PHACTR2: variants seen among roughly 807,000 people sequenced by gnomAD.
The protein encoded by PHACTR2 is chromosome 6 open reading frame 56.
PHACTR2 carries 30 observed loss-of-function variants against 76.0 expected under a neutral mutation model. The ratio of observed to expected loss-of-function variants is 0.39; its 90% CI spans 0.30 to 0.54. The LOEUF (loss-of-function observed/expected upper bound fraction) is 0.54. PHACTR2 is among the 20% of genes least tolerant of loss of function. PHACTR2 has a pLI of 0.61. For missense variants in PHACTR2, 696 were observed against 781.1 expected (o/e 0.89, Z 1.30); for synonymous variants, 292 against 292.5 (o/e 1.00, Z 0.02).
chr6:143,624,426 T>C lies in PHACTR2; in HGVS notation c.13+16104T>C, dbSNP rs1413123664. Among the ~76,000 whole-genome samples, 1 of 152,178 alleles carries C rather than the reference T, an allele frequency of 6.6e-6. No individual in the cohort carries two copies. Among genetic ancestry groups the C allele is most frequent in the Non-Finnish European group, 1.5e-5 (1 of 68,026 alleles). The stretch of plus-strand genomic sequence containing the variant: ...CTGGCCAAAATCTTGTTAATTCTTA[T>C]GACCAAGACGCAGTCATAGTTACTA... On this transcript the variant is annotated intron_variant, in intron 1 of 11. Transcript: ENST00000305766. The surrounding 1 kb of genome is among the most constrained non-coding windows in gnomAD (Gnocchi z 4.6).
intron 2 of PHACTR2, among the ~76,000 whole-genome samples, chr6:143,747,429 C>A (rs1426845030): frequency 6.6e-6 from 1 of 152,240 alleles, no homozygotes; most frequent in South Asian, 2.1e-4. Flanking sequence ...CTATCAGTGT[C>A]CTTGCTTGAG....
chr6:143,627,370 A>T lies in PHACTR2; in HGVS notation c.13+19048A>T, dbSNP rs75945846. 6.6e-3 allele frequency among the ~76,000 whole-genome samples: 1,004 copies of T among 152,384 alleles called. 23 individuals are homozygous for T. The East Asian group carries it at 0.092, about 14-fold the overall frequency. On this transcript the variant is annotated intron_variant, in intron 1 of 11. Transcript: ENST00000305766. This position sits in a 1 kb window ranked among gnomAD's most constrained non-coding sequence, Gnocchi z 4.3. ...CAGAATGATCTTGACTAATTTAAAA[A>T]AATTTGTGGAACACAGATATTTTAT... is the stretch of plus-strand genomic sequence containing the variant.
rs1446567445 is a variant in PHACTR2, at chr6:143,618,212, T to C, written c.13+9890T>C. Among the ~76,000 whole-genome samples the C allele has an allele frequency of 1.3e-5, 2 of 151,340 alleles. No homozygotes were observed. The highest frequency in any genetic ancestry group is 4.9e-5 in the African/African-American group (2 of 41,122). On this transcript the variant is annotated intron_variant, in intron 1 of 11. Coordinates refer to the PHACTR2 transcript ENST00000305766. The surrounding 1 kb of genome is among the most constrained non-coding windows in gnomAD (Gnocchi z 5.2). ...TTACCACAGGCGCCCTGCTTTTTAG[T>C]GATAGAGAAATAGGTCCTGTTCCAC...
Position 143,683,238 on chromosome 6 carries a change from G to A in PHACTR2, c.46+5029G>A, listed in dbSNP as rs529392142. Among the ~76,000 whole-genome samples, 7 of 152,328 alleles carry A rather than the reference G, an allele frequency of 4.6e-5. No homozygotes were observed. Among genetic ancestry groups the A allele is most frequent in the African/African-American group, 1.7e-4 (7 of 41,572 alleles). On this transcript the variant is annotated intron_variant, in intron 1 of 12. Coordinates refer to ENST00000440869, the MANE Select transcript of PHACTR2 (RefSeq NM_001100164.2). This position sits in a 1 kb window ranked among gnomAD's most constrained non-coding sequence, Gnocchi z 4.1. ...TCATTGTGAAGTGTAGAGCATGGTA[G>A]ATTGGATACAATACATTTTTGATGA...
chr6:143,711,801 T>TC, intron 1 of PHACTR2: 1 of 726,048 alleles, frequency 1.4e-6, no homozygotes, highest in East Asian at 2.6e-5. Context: ...CTAGTCTGTT[T>TC]CCCCAGAATG....
rs544102509 is a variant in PHACTR2, at chr6:143,826,419, C to T, written c.*2730C>T. ...GGATTTCTTTTGTTGTAACACAATT[C>T]CAGGTTTTTGGCTATTTAAAGTTTG... On this transcript the variant is annotated 3_prime_UTR_variant, in exon 13 of 13. Coordinates refer to ENST00000440869, the MANE Select transcript of PHACTR2 (RefSeq NM_001100164.2). 1 of 152,286 alleles carries T rather than the reference C, an allele frequency of 6.6e-6. No homozygotes were observed. Among genetic ancestry groups the T allele is most frequent in the South Asian group, 2.1e-4 (1 of 4,830 alleles). The allele number at this position is 152,286 out of a possible 1,614,324, so 9.4% of individuals were successfully genotyped here.
rs1311509221 is a variant in PHACTR2 at position 143,776,930 on chromosome 6, G to A, written c.1590-398G>A. ...CCATCATGCTGAAGTTCTAGCCTGT[G>A]GAAAAAGGAAAGAGAAAGAAGGGAG... On this transcript the variant is annotated intron_variant, in intron 8 of 12. Coordinates refer to ENST00000440869, the MANE Select transcript of PHACTR2 (RefSeq NM_001100164.2). This position sits in a 1 kb window ranked among gnomAD's most constrained non-coding sequence, Gnocchi z 5.3. Among the ~76,000 whole-genome samples the A allele has an allele frequency of 2.6e-5, 4 of 152,132 alleles. No individual in the cohort carries two copies. The highest frequency in any genetic ancestry group is 5.9e-5 in the Non-Finnish European group (4 of 68,032).
In PHACTR2 at chr6:143,783,506, C is replaced by A. The variant is rs1255538909; in HGVS notation, c.1707+226C>A. ...TGGTGGCACATGCCTGTAGTTCCAGCTACTCAGGAGGCTGAGGTGGGAAGA... is the reference window on the plus strand; with the variant it reads ...TGGTGGCACATGCCTGTAGTTCCAGATACTCAGGAGGCTGAGGTGGGAAGA... On this transcript the variant is annotated intron_variant, in intron 10 of 12. Coordinates refer to ENST00000440869, the MANE Select transcript of PHACTR2 (RefSeq NM_001100164.2). The surrounding 1 kb of genome is among the most constrained non-coding windows in gnomAD (Gnocchi z 5.2). 6.6e-6 allele frequency among the ~76,000 whole-genome samples: 1 copy of A among 152,104 alleles called. No homozygotes were observed. Among genetic ancestry groups the A allele is most frequent in the African/African-American group, 2.4e-5 (1 of 41,412 alleles).
chr6:143,814,547 T>C (rs1362737706), intron 12 of PHACTR2, among the ~76,000 whole-genome samples: 1 of 151,772 alleles, frequency 6.6e-6, no homozygotes, highest in Admixed American at 6.6e-5. Flanking sequence ...CAAACCCATG[T>C]TATTCAGAGG....
intron 1 of PHACTR2, among the ~76,000 whole-genome samples, chr6:143,622,004 G>A (rs1465020563): frequency 2.0e-5 from 3 of 152,012 alleles, no homozygotes; most frequent in African/African-American, 4.8e-5. Context: ...AAATAATCAA[G>A]AGTGTTATCC....
Position 143,602,144 on chromosome 6 carries a change from C to T in PHACTR2, c.217+64937C>T, listed in dbSNP as rs917861058. Among the ~76,000 whole-genome samples, 5 of 152,124 alleles carry T rather than the reference C, an allele frequency of 3.3e-5. No homozygotes were observed. Among genetic ancestry groups the T allele is most frequent in the South Asian group, 2.1e-4 (1 of 4,832 alleles). On this transcript the variant is annotated intron_variant, in intron 1 of 11. Transcript: ENST00000367584. This position sits in a 1 kb window ranked among gnomAD's most constrained non-coding sequence, Gnocchi z 6.1. Reference sequence around the variant, plus strand: ...TAGTTCCTTTAGTTTTGTTTTCACTCTCGCTCTCCCCCTCCCTAATAGTTT... The same window carrying T: ...TAGTTCCTTTAGTTTTGTTTTCACTTTCGCTCTCCCCCTCCCTAATAGTTT...
At position 143,807,514 on chromosome 6, in the gene PHACTR2, C is replaced by A. The variant is rs1776090874; in HGVS notation, c.1922+381C>A. On this transcript the variant is annotated intron_variant, in intron 12 of 12. Transcript: ENST00000440869. This position sits in a 1 kb window ranked among gnomAD's most constrained non-coding sequence, Gnocchi z 5.5. ...AGGAAGTCTGAATCATTCCATGGGG[C>A]TACATTTTGGTTCCTTTCTTCGTTT... Among the ~76,000 whole-genome samples the A allele has an allele frequency of 6.6e-6, 1 of 152,156 alleles. No individual in the cohort carries two copies. The highest frequency in any genetic ancestry group is 1.5e-5 in the Non-Finnish European group (1 of 68,032).
At chr6:143,736,689 C>G (rs1392582977) in intron 2 of PHACTR2, among the ~76,000 whole-genome samples, 1 of 148,468 alleles carries the variant, frequency 6.7e-6, no homozygotes, top group Non-Finnish European at 1.5e-5. Context: ...ATTCTCCTGC[C>G]TGAGCCTCGG....
At chr6:143,608,147 G>T (rs1775908299), upstream of PHACTR2, 1 of 692,994 alleles carries the variant, frequency 1.4e-6, no homozygotes, top group African/African-American at 1.8e-5. This position sits in a 1 kb window ranked among gnomAD's most constrained non-coding sequence, Gnocchi z 4.6. Context: ...CATCCTTGGA[G>T]ATATAAATTT....
In PHACTR2 at chr6:143,662,116, C is replaced by T. The variant is rs77407248; in HGVS notation, c.14-49900C>T. On this transcript the variant is annotated intron_variant, in intron 1 of 11. Coordinates refer to the PHACTR2 transcript ENST00000305766. The surrounding 1 kb of genome is among the most constrained non-coding windows in gnomAD (Gnocchi z 4.7). ...ATTGCTCCTCCCCCTTTCTCAGCTCCCATCTTTATCACCTGTTTGGAGAAT... is the reference window on the plus strand; with the variant it reads ...ATTGCTCCTCCCCCTTTCTCAGCTCTCATCTTTATCACCTGTTTGGAGAAT... 1.5e-3 allele frequency among the ~76,000 whole-genome samples: 234 copies of T among 152,268 alleles called. 3 individuals carry two copies. In the East Asian group the frequency reaches 0.024, roughly 15 times the overall value.
In PHACTR2 at chr6:143,543,725, T is replaced by C. The variant is rs920436441; in HGVS notation, c.217+6518T>C. Reference sequence around the variant, plus strand: ...GCTTTTGGCTCTGAGCAGGGTTCTTTTGGGAGAGAAGGGAGAGTAGAGAGC... The same window carrying C: ...GCTTTTGGCTCTGAGCAGGGTTCTTCTGGGAGAGAAGGGAGAGTAGAGAGC... On this transcript the variant is annotated intron_variant, in intron 1 of 11. Transcript: ENST00000367584. This position sits in a 1 kb window ranked among gnomAD's most constrained non-coding sequence, Gnocchi z 4.7. Among the ~76,000 whole-genome samples the C allele has an allele frequency of 2.6e-5, 4 of 152,144 alleles. No individual in the cohort carries two copies. The highest frequency in any genetic ancestry group is 5.9e-5 in the Non-Finnish European group (4 of 68,008).
chr6:143,773,712 A>G (rs1257674441), intron 7 of PHACTR2, among the ~76,000 whole-genome samples: 1 of 152,244 alleles, frequency 6.6e-6, no homozygotes, highest in South Asian at 2.1e-4. Flanking sequence ...TAAGTTTTTT[A>G]AACTTGAAAA....
At chr6:143,552,186 A>G (rs553370135) in intron 1 of PHACTR2, among the ~76,000 whole-genome samples, 3 of 151,686 alleles carry the variant, frequency 2.0e-5, no homozygotes, top group Non-Finnish European at 2.9e-5. Flanking sequence ...GTGAGAAGCC[A>G]CAGCTGGAAA....
chr6:143,718,781 G>C (rs1409648346), intron 2 of PHACTR2, among the ~76,000 whole-genome samples: 1 of 151,802 alleles, frequency 6.6e-6, no homozygotes, highest in African/African-American at 2.4e-5. Context: ...TGCTTAAGGT[G>C]ATATTTGTTA....
Sources: allele counts gnomAD v4.1 joint callset (sites outside exome capture counted in the v4.1 genomes callset), GRCh38; gene constraint gnomAD v4.1.1; non-coding constraint Gnocchi (gnomAD v3.1); transcripts MANE v1.5; gene names NCBI Gene and HGNC (gene_info 2026-07-23, HGNC 2026-07-21).